The following ZNF382 variants were observed in gnomAD, a reference collection of about 807,000 sequenced individuals.
The protein encoded by ZNF382 is zinc finger protein 382.
A neutral mutation model predicts 38.8 loss-of-function variants in ZNF382; 20 were observed. The ratio of observed to expected loss-of-function variants is 0.51; its 90% confidence interval spans 0.36 to 0.75. The LOEUF is 0.75. Among genes scored for constraint, ZNF382 ranks in the 30% least tolerant of loss-of-function variants. The probability of loss-of-function intolerance (pLI) is 0.00; values close to 1 mark genes in which losing one functional copy is unlikely to be tolerated. For missense variants in ZNF382, 546 were observed against 654.1 expected, an observed-to-expected ratio of 0.83 and a Z score of 1.80; for synonymous variants, 202 against 223.1, an observed-to-expected ratio of 0.91 and a Z score of 0.84.
intron 4 of ZNF382, among the ~76,000 whole-genome samples, chr19:36,620,726 TTACTC>T (rs1377802037): frequency 6.6e-6 from 1 of 152,192 alleles, no homozygotes; most frequent in African/African-American, 2.4e-5. Context: ...ATTGCTATCT[TTACTC>T]TTATTTGTTT....
chr19:36,616,065 A>G (rs1050551068), intron 4 of ZNF382, among the ~76,000 whole-genome samples: 1 of 152,214 alleles, frequency 6.6e-6, no homozygotes, highest in Non-Finnish European at 1.5e-5. Flanking sequence ...AACAATTTGA[A>G]TAAACTCTTT....
At chr19:36,624,643 C>T (rs911208041) in intron 4 of ZNF382, among the ~76,000 whole-genome samples, 1 of 152,100 alleles carries the variant, frequency 6.6e-6, no homozygotes, top group Non-Finnish European at 1.5e-5. Flanking sequence ...GGGAGGAAAA[C>T]TCAAACCTAT....
chr19:36,610,858 T>C (rs774154504), intron 4 of ZNF382, 116 bp downstream of exon 4: 1 of 706,768 alleles, frequency 1.4e-6, no homozygotes, highest in Non-Finnish European at 2.3e-6. Context: ...TTAAATATGC[T>C]ATCTTAAACT....
At position 36,629,441 on chromosome 19, in the gene ZNF382, A is replaced by G. The variant is rs962489852; in HGVS notation, c.*1891A>G. ...CCTTCAGATGACTGTGGACCCTGCT[A>G]ACACCCAACTGGTACCACAAATGAG... On this transcript the variant is annotated 3_prime_UTR_variant, in exon 5 of 5. Transcript: ENST00000292928. The G allele has an allele frequency of 6.6e-6, 1 of 152,150 alleles. No individual in the cohort carries two copies. The highest frequency in any genetic ancestry group is 1.5e-5 in the Non-Finnish European group (1 of 68,040). The allele number at this position is 152,150 out of a possible 1,614,324, so 9.4% of individuals were successfully genotyped here. A position where few individuals can be genotyped will look rare whatever the true frequency, so the allele number is the denominator to read the frequency against.
At chr19:36,614,907 T>TTC (rs2037109378) in intron 4 of ZNF382, among the ~76,000 whole-genome samples, 10 of 56,524 alleles carry the variant, frequency 1.8e-4, no homozygotes, top group Admixed American at 8.6e-4. Flanking sequence ...TCCTTTCCTT[T>TTC]CCTTTCCTTC....
At chr19:36,606,313 T>A (rs1217420714) in intron 1 of ZNF382, among the ~76,000 whole-genome samples, 132 of 15,330 alleles carry the variant, frequency 8.6e-3, no homozygotes, top group African/African-American at 0.049. Flanking sequence ...TGCAGGAAAT[T>A]TTTTTTTTTT....
chr19:36,608,900 C>A (rs1022098122), intron 2 of ZNF382: 1 of 152,266 alleles, frequency 6.6e-6, no homozygotes, highest in Non-Finnish European at 1.5e-5. Context: ...ACGACCATCT[C>A]TGTTGTAATG....
intron 1 of ZNF382, 88 bp from the exon 2 acceptor site, chr19:36,607,464 A>C (rs148209091): frequency 1.3e-6 from 1 of 770,120 alleles, no homozygotes; most frequent in African/African-American, 1.8e-5. Context: ...AATAGTGAAC[A>C]TTCATGCAGA....
Position 36,628,367 on chromosome 19 carries a change from C to G in ZNF382, c.*817C>G, listed in dbSNP as rs752611720. Reference sequence around the variant, plus strand: ...GAGCATGTGTGTATTCAGTCAGATACTGGCAGACAATTCAGAACTTTCACC... The same window carrying G: ...GAGCATGTGTGTATTCAGTCAGATAGTGGCAGACAATTCAGAACTTTCACC... On this transcript the variant is annotated 3_prime_UTR_variant, in exon 5 of 5. Transcript: ENST00000292928. 6.6e-6 allele frequency: 1 copy of G among 152,542 alleles called. No homozygotes were observed. The highest frequency in any genetic ancestry group is 1.5e-5 in the Non-Finnish European group (1 of 68,034). The allele number at this position is 152,542 out of a possible 1,614,324, so 9.4% of individuals were successfully genotyped here.
At chr19:36,608,471 A>C (rs967534240) in intron 2 of ZNF382, 1 of 152,242 alleles carries the variant, frequency 6.6e-6, no homozygotes, top group African/African-American at 2.4e-5. Context: ...TTGATCAAAC[A>C]GTACTTTGTC....
intron 4 of ZNF382, among the ~76,000 whole-genome samples, chr19:36,623,118 G>T (rs2037182420): frequency 6.6e-6 from 1 of 152,082 alleles, no homozygotes; most frequent in African/African-American, 2.4e-5. Flanking sequence ...ACTGCAGCTT[G>T]TAACAGAGGC....
rs986223184 is a variant in ZNF382 at position 36,616,455 on chromosome 19, T to C, written c.232+5713T>C. ...CATAACATACATACATAGACATACA[T>C]AGGCGGACAGACCCAAACAGAGATC... On this transcript the variant is annotated intron_variant, in intron 4 of 4. Transcript: ENST00000292928. Among the ~76,000 whole-genome samples, 19 of 152,190 alleles carry C rather than the reference T, an allele frequency of 1.2e-4. 1 individual carries two copies. Among genetic ancestry groups the C allele is most frequent in the Admixed American group, 7.9e-4 (12 of 15,286 alleles).
At chr19:36,621,670 A>C (rs1392468268) in intron 4 of ZNF382, among the ~76,000 whole-genome samples, 1 of 152,150 alleles carries the variant, frequency 6.6e-6, no homozygotes, top group Non-Finnish European at 1.5e-5. Flanking sequence ...TAGCATTTGC[A>C]CTGTATTAGG....
intron 4 of ZNF382, among the ~76,000 whole-genome samples, chr19:36,615,456 T>TTCC (rs2037118654): frequency 6.6e-6 from 1 of 152,210 alleles, no homozygotes; most frequent in African/African-American, 2.4e-5. Context: ...AGATACATAT[T>TTCC]TCCTCATAGT....
chr19:36,610,610 C>T (rs567442802), intron 3 of ZNF382, 40 bp from the exon 4 acceptor site: 14 of 1,544,076 alleles, frequency 9.1e-6, no homozygotes, highest in Middle Eastern at 1.7e-4. Context: ...GTTTTAAAGT[C>T]GAAACAGCTT....
chr19:36,613,850 A>G (rs2037098891), intron 4 of ZNF382, among the ~76,000 whole-genome samples: 1 of 152,206 alleles, frequency 6.6e-6, no homozygotes, highest in Non-Finnish European at 1.5e-5. Flanking sequence ...TTGTTCCATC[A>G]GTATTTATTG....
intron 4 of ZNF382, among the ~76,000 whole-genome samples, chr19:36,616,472 A>G (rs890130259): frequency 3.3e-5 from 5 of 152,246 alleles, no homozygotes; most frequent in African/African-American, 9.6e-5. Flanking sequence ...ACAGACCCAA[A>G]CAGAGATCTT....
In ZNF382 at chr19:36,633,019, A is replaced by C. The variant is rs924160022; in HGVS notation, c.*5469A>C. ...ACAACATGCACCTGGGATGTTCTAG[A>C]TATTTATCAGTTTATAATCAGGCTT... On this transcript the variant is annotated 3_prime_UTR_variant, in exon 5 of 5. Transcript: ENST00000292928. 3.3e-5 allele frequency: 5 copies of C among 151,166 alleles called. No homozygotes were observed. Among genetic ancestry groups the C allele is most frequent in the Non-Finnish European group, 5.9e-5 (4 of 67,936 alleles). The allele number at this position is 151,166 out of a possible 1,614,324, so 9.4% of individuals were successfully genotyped here.
In ZNF382 at chr19:36,630,238, C is replaced by T. The variant is rs2037244943; in HGVS notation, c.*2688C>T. The T allele has an allele frequency of 6.6e-6, 1 of 152,124 alleles. No individual in the cohort carries two copies. The highest frequency in any genetic ancestry group is 1.5e-5 in the Non-Finnish European group (1 of 68,042). The allele number at this position is 152,124 out of a possible 1,614,324, so 9.4% of individuals were successfully genotyped here. A position where few individuals can be genotyped will look rare whatever the true frequency, so the allele number is the denominator to read the frequency against. On this transcript the variant is annotated 3_prime_UTR_variant, in exon 5 of 5. Coordinates refer to ENST00000292928, the MANE Select transcript of ZNF382 (RefSeq NM_032825.5). ...TAATGCGATCTATCCTCAAAAGACC[C>T]CGTGCTGTCATTTCTCAACAAAGGC...
Sources: allele counts gnomAD v4.1 joint callset (sites outside exome capture counted in the v4.1 genomes callset), GRCh38; gene constraint gnomAD v4.1.1; transcripts MANE v1.5; gene names NCBI Gene and HGNC (gene_info 2026-07-23, HGNC 2026-07-21).